EYS: variants seen among roughly 807,000 people sequenced by gnomAD.
EYS encodes EGF-like photoreceptor maintenance factor.
EYS carries 250 observed loss-of-function variants against 282.1 expected under a neutral mutation model. That is an observed-to-expected ratio of 0.89 (90% CI 0.80 to 0.98). The LOEUF (loss-of-function observed/expected upper bound fraction) is 0.98. Among genes scored for constraint, EYS ranks in the 50% least tolerant of loss-of-function variants. The pLI is 0.00. For synonymous variants in EYS, 1,355 were observed against 1,282.9 expected (o/e 1.06, Z -1.20); for missense variants, 4,016 against 3,709.0 (o/e 1.08, Z -2.15).
At chr6:64,856,410 C>A (rs966519269) in intron 19 of EYS, among the ~76,000 whole-genome samples, 1 of 152,138 alleles carries the variant, frequency 6.6e-6, no homozygotes, top group Admixed American at 6.5e-5. Context: ...AGGTGATCTT[C>A]CCATCTCAGC....
chr6:64,488,470 A>G (rs1776642008), intron 26 of EYS, among the ~76,000 whole-genome samples: 1 of 151,134 alleles, frequency 6.6e-6, no homozygotes, highest in Non-Finnish European at 1.5e-5. Flanking sequence ...CTGTGTTGTA[A>G]TAGACTATTG....
intron 29 of EYS, among the ~76,000 whole-genome samples, chr6:64,355,858 G>T (rs1227386667): frequency 6.6e-6 from 1 of 151,614 alleles, no homozygotes; most frequent in Non-Finnish European, 1.5e-5. Context: ...CAAGAGATGA[G>T]CTTCAGAAGT....
rs536596708 is a variant in EYS, at chr6:65,164,414, G to T, written c.2024-106687C>A. On this transcript the variant is annotated intron_variant, in intron 12 of 42. Transcript: ENST00000503581. ...CTACGATTATACTTTTACTGCATTT[G>T]TTATTTTTTTCCTTTCAGTTTCATT... Among the ~76,000 whole-genome samples, 431 of 146,502 alleles carry T rather than the reference G, an allele frequency of 2.9e-3. 6 individuals are homozygous for T. The highest frequency in any genetic ancestry group is 2.2e-3 in the Non-Finnish European group (149 of 66,784).
chr6:64,103,389 C>T (rs1562202780), intron 31 of EYS, among the ~76,000 whole-genome samples: 3 of 152,096 alleles, frequency 2.0e-5, no homozygotes, highest in South Asian at 2.1e-4. Flanking sequence ...GAAGTAGACC[C>T]TTAATTCACA....
At chr6:64,528,129 T>A (rs907339557) in intron 26 of EYS, among the ~76,000 whole-genome samples, 2 of 151,918 alleles carry the variant, frequency 1.3e-5, no homozygotes, top group African/African-American at 4.8e-5. Flanking sequence ...CTCTAAGAAA[T>A]AATCTGGAAT....
intron 31 of EYS, among the ~76,000 whole-genome samples, chr6:64,148,932 T>A (rs1774612117): frequency 6.6e-6 from 1 of 152,074 alleles, no homozygotes; most frequent in Admixed American, 6.6e-5. Context: ...AAAATGAAAA[T>A]TTTTAAGACA....
intron 26 of EYS, among the ~76,000 whole-genome samples, chr6:64,479,824 C>A (rs897627500): frequency 1.3e-5 from 2 of 151,834 alleles, no homozygotes; most frequent in Non-Finnish European, 1.5e-5. Flanking sequence ...TGGCATAATA[C>A]AATAAAGTTT....
At chr6:65,194,446 T>C (rs1314696892) in intron 12 of EYS, among the ~76,000 whole-genome samples, 1 of 151,984 alleles carries the variant, frequency 6.6e-6, no homozygotes, top group African/African-American at 2.4e-5. Context: ...GTATTATTTA[T>C]AATATGTATA....
chr6:64,545,492 T>G (rs1764827707), intron 26 of EYS, among the ~76,000 whole-genome samples: 1 of 152,122 alleles, frequency 6.6e-6, no homozygotes, highest in Non-Finnish European at 1.5e-5. Flanking sequence ...ACCACTCCTA[T>G]TCAACGTAGT....
At chr6:65,509,532 A>G (rs1231415366) in intron 2 of EYS, among the ~76,000 whole-genome samples, 1 of 152,132 alleles carries the variant, frequency 6.6e-6, no homozygotes, top group Non-Finnish European at 1.5e-5. Context: ...AACTGTTCAA[A>G]CATATTGCCT....
intron 35 of EYS, among the ~76,000 whole-genome samples, chr6:63,941,440 A>G (rs577440416): frequency 5.3e-5 from 8 of 152,284 alleles, no homozygotes; most frequent in African/African-American, 1.9e-4. Flanking sequence ...GCCAGTGATG[A>G]TGAGCATTTT....
At chr6:65,408,151 G>A (rs1213445556) in intron 5 of EYS, among the ~76,000 whole-genome samples, 1 of 151,756 alleles carries the variant, frequency 6.6e-6, no homozygotes, top group Admixed American at 6.6e-5. Context: ...TACTTTATCA[G>A]GATAGAAAAA....
At chr6:64,061,997 AT>A (rs138347443) in intron 33 of EYS, among the ~76,000 whole-genome samples, 3,079 of 151,622 alleles carry the variant, frequency 0.02, 89 homozygotes, top group African/African-American at 0.061. Context: ...CCATCATGCT[AT>A]TTTTTTTATT....
intron 30 of EYS, among the ~76,000 whole-genome samples, chr6:64,286,597 T>C (rs907750715): frequency 6.6e-6 from 1 of 152,142 alleles, no homozygotes; most frequent in African/African-American, 2.4e-5. Context: ...AAAGGTATTA[T>C]GTATGAATAG....
At position 64,752,074 on chromosome 6, in the gene EYS, C is replaced by CCAAA. The variant is rs547490090; in HGVS notation, c.3443+61300_3443+61303dup. ...ATTCTGGAACTATGAAAACAACCAA[C>CCAAA]CAAACAAACAAACAAACAAACAAAC... is the stretch of plus-strand genomic sequence containing the variant. On this transcript the variant is annotated intron_variant, in intron 22 of 42. Coordinates refer to ENST00000503581, the MANE Select transcript of EYS (RefSeq NM_001142800.2). Among the ~76,000 whole-genome samples the CCAAA allele has an allele frequency of 5.1e-3, 774 of 152,020 alleles. 14 individuals carry two copies. Among genetic ancestry groups the CCAAA allele is most frequent in the Admixed American group, 0.039 (596 of 15,254 alleles).
intron 5 of EYS, among the ~76,000 whole-genome samples, chr6:65,466,879 T>C (rs1263421502): frequency 6.6e-6 from 1 of 152,166 alleles, no homozygotes; most frequent in African/African-American, 2.4e-5. Context: ...CACGGAAAGT[T>C]TCTGGGTCAG....
intron 15 of EYS, among the ~76,000 whole-genome samples, chr6:64,943,886 T>A (rs79515834): frequency 6.6e-6 from 1 of 151,980 alleles, no homozygotes; most frequent in Admixed American, 6.6e-5. Flanking sequence ...AGAGATTGAA[T>A]AACTAAAGCA....
At chr6:64,360,125 G>A (rs894542634) in intron 29 of EYS, among the ~76,000 whole-genome samples, 15 of 151,632 alleles carry the variant, frequency 9.9e-5, no homozygotes, top group African/African-American at 3.1e-4. Context: ...TATTGTACAC[G>A]TTTACGTTCT....
chr6:64,769,103 T>G (rs1479053595), intron 22 of EYS, among the ~76,000 whole-genome samples: 1 of 152,086 alleles, frequency 6.6e-6, no homozygotes, highest in Non-Finnish European at 1.5e-5. Flanking sequence ...CCTACATTAC[T>G]TTTTTATCAT....
Sources: gnomAD v4.1 joint callset for allele counts (sites outside exome capture counted in the v4.1 genomes callset) on GRCh38, gnomAD v4.1.1 for gene constraint, MANE v1.5 for transcripts, NCBI Gene and HGNC (gene_info 2026-07-23, HGNC 2026-07-21) for gene names.